The following CTNND2 variants were observed in gnomAD, a reference collection of about 807,000 sequenced individuals.
CTNND2 encodes catenin delta 2.
Under a neutral mutation model 144.4 loss-of-function variants are expected in CTNND2, and 22 were observed. The ratio of observed to expected loss-of-function variants is 0.15; its 90% CI spans 0.11 to 0.22. The LOEUF is 0.22. Ranked by LOEUF, CTNND2 falls within the 10% of genes least tolerant of loss-of-function variation. The pLI, the probability that CTNND2 is intolerant of heterozygous loss-of-function variation, is 1.00. For synonymous variants in CTNND2, 751 were observed against 695.6 expected, an observed-to-expected ratio of 1.08 and a Z score of -1.25; for missense variants, 1,353 against 1,618.8, an observed-to-expected ratio of 0.84 and a Z score of 2.82.
At position 10,988,385 on chromosome 5, in the gene CTNND2, A is replaced by T; in HGVS notation, c.3212-143T>A. On this transcript the variant is annotated intron_variant, in intron 19 of 21. Transcript: ENST00000304623. The surrounding 1 kb of genome is among the most constrained non-coding windows in gnomAD (Gnocchi z 5.9). ...CTGATGGGTTTTCTTTTTAATTTTT[A>T]TTTTTTGGCAGTTTTGGCTCTTGTC... 1 of 1,043,372 alleles carries T rather than the reference A, an allele frequency of 9.6e-7. No individual in the cohort carries two copies. The highest frequency in any genetic ancestry group is 1.4e-6 in the Non-Finnish European group (1 of 738,640). The allele number at this position is 1,043,372 out of a possible 1,614,324, so 64.6% of individuals were successfully genotyped here.
rs555388304 is a variant in CTNND2, at chr5:11,404,602, CTTTTTTTTTTTTT to C, written c.439+6921_439+6933del. Reference sequence around the variant, plus strand: ...ATCAGTATCTGTCAGTATCTGTATTCTTTTTTTTTTTTTTTTTTTTTTTTTTTTTTTTTTAGAC... The same window carrying C: ...ATCAGTATCTGTCAGTATCTGTATTCTTTTTTTTTTTTTTTTTTTTTAGAC... On this transcript the variant is annotated intron_variant, in intron 5 of 21. Coordinates refer to ENST00000304623, the MANE Select transcript of CTNND2 (RefSeq NM_001332.4). Among the ~76,000 whole-genome samples the C allele has an allele frequency of 9.7e-3, 557 of 57,394 alleles. 3 individuals carry two copies. Among genetic ancestry groups the C allele is most frequent in the Non-Finnish European group, 0.018 (452 of 25,186 alleles). The allele number at this position is 57,394 out of a possible 152,430, so 37.7% of individuals were successfully genotyped here.
chr5:11,343,247 G>C (rs1754444203), intron 9 of CTNND2, among the ~76,000 whole-genome samples: 1 of 152,148 alleles, frequency 6.6e-6, no homozygotes, highest in Admixed American at 6.5e-5. Context: ...CTGGTTTCAA[G>C]TCTAATGATG....
intron 5 of CTNND2, among the ~76,000 whole-genome samples, chr5:11,402,380 G>C (rs765539863): frequency 2.0e-5 from 3 of 152,142 alleles, no homozygotes; most frequent in Non-Finnish European, 2.9e-5. Flanking sequence ...AAATCAATGA[G>C]AAAAATTGTT....
At chr5:11,498,414 T>A (rs1770199692) in intron 3 of CTNND2, among the ~76,000 whole-genome samples, 1 of 152,280 alleles carries the variant, frequency 6.6e-6, no homozygotes, top group South Asian at 2.1e-4. Flanking sequence ...TGTTAGGCCA[T>A]GACCTTTTAA....
intron 12 of CTNND2, among the ~76,000 whole-genome samples, chr5:11,150,933 C>T (rs988260086): frequency 6.6e-6 from 1 of 152,038 alleles, no homozygotes; most frequent in African/African-American, 2.4e-5. Context: ...GCCTGAACTG[C>T]TGCCTTCTGA....
intron 1 of CTNND2, among the ~76,000 whole-genome samples, chr5:11,734,294 T>C (rs1018155096): frequency 5.3e-5 from 8 of 152,164 alleles, no homozygotes; most frequent in Non-Finnish European, 1.2e-4. Flanking sequence ...CAAGGTGATA[T>C]GGTTTGACTA....
intron 1 of CTNND2, among the ~76,000 whole-genome samples, chr5:11,870,578 G>T (rs1735020174): frequency 6.6e-6 from 1 of 152,184 alleles, no homozygotes; most frequent in South Asian, 2.1e-4. Flanking sequence ...CCCTATAAAA[G>T]GAAGTGAAAA....
intron 3 of CTNND2, among the ~76,000 whole-genome samples, chr5:11,435,974 A>T (rs1763735707): frequency 1.3e-5 from 2 of 152,184 alleles, no homozygotes; most frequent in South Asian, 4.1e-4. Flanking sequence ...ATAAAATAAC[A>T]GTTGTGAATA....
At chr5:11,859,928 G>C (rs1418449233) in intron 1 of CTNND2, among the ~76,000 whole-genome samples, 2 of 152,138 alleles carry the variant, frequency 1.3e-5, no homozygotes, top group Non-Finnish European at 2.9e-5. Context: ...ACCAGATATA[G>C]ACTGAAAGAT....
intron 15 of CTNND2, among the ~76,000 whole-genome samples, chr5:11,090,709 G>A (rs1389783310): frequency 1.3e-5 from 2 of 152,260 alleles, no homozygotes; most frequent in Non-Finnish European, 2.9e-5. Flanking sequence ...CAAAAATGTT[G>A]GGGACCACTG....
chr5:11,348,057 G>A (rs1209920796), intron 8 of CTNND2, among the ~76,000 whole-genome samples: 1 of 152,074 alleles, frequency 6.6e-6, no homozygotes, highest in Non-Finnish European at 1.5e-5. Context: ...TGACAAAAAT[G>A]ACAAAAATAT....
chr5:11,602,208 T>A (rs1468934274), intron 2 of CTNND2, among the ~76,000 whole-genome samples: 1 of 152,128 alleles, frequency 6.6e-6, no homozygotes, highest in Non-Finnish European at 1.5e-5. Context: ...AAGTGGCTCA[T>A]AACAATGCAG....
chr5:11,542,278 T>C (rs745886399), intron 3 of CTNND2, among the ~76,000 whole-genome samples: 8 of 152,086 alleles, frequency 5.3e-5, no homozygotes, highest in Non-Finnish European at 7.4e-5. Context: ...GAATAGAAAA[T>C]TATAAAATAA....
At chr5:11,618,802 T>C (rs143720642) in intron 2 of CTNND2, among the ~76,000 whole-genome samples, 143 of 152,320 alleles carry the variant, frequency 9.4e-4, no homozygotes, top group African/African-American at 2.8e-3. Context: ...ATTTTACATA[T>C]ATTGAGTATC....
At chr5:11,727,293 C>G (rs1310407383) in intron 2 of CTNND2, among the ~76,000 whole-genome samples, 3 of 152,192 alleles carry the variant, frequency 2.0e-5, no homozygotes, top group South Asian at 4.2e-4. Context: ...CTCTAAACAC[C>G]CCATCTGGTC....
intron 9 of CTNND2, among the ~76,000 whole-genome samples, chr5:11,325,336 G>T (rs576277715): frequency 6.6e-6 from 1 of 151,788 alleles, no homozygotes; most frequent in Non-Finnish European, 1.5e-5. Flanking sequence ...CCATAAAGCT[G>T]TAACTGTTAA....
At chr5:11,165,654 C>T (rs16901333) in intron 11 of CTNND2, among the ~76,000 whole-genome samples, 9,799 of 151,964 alleles carry the variant, frequency 0.064, 592 homozygotes, top group East Asian at 0.33. Context: ...AGTTTAATTG[C>T]GAAGACATTT....
intron 9 of CTNND2, among the ~76,000 whole-genome samples, chr5:11,284,696 C>T (rs1415742575): frequency 6.6e-6 from 1 of 152,164 alleles, no homozygotes; most frequent in African/African-American, 2.4e-5. Flanking sequence ...CATGTCTTTG[C>T]TACTGTGAAT....
At chr5:11,481,616 G>GGAGT (rs1206746448) in intron 3 of CTNND2, among the ~76,000 whole-genome samples, 1 of 151,582 alleles carries the variant, frequency 6.6e-6, no homozygotes, top group Admixed American at 6.6e-5. Context: ...GGAGAGGGAG[G>GGAGT]GAGAGACGGA....
Sources: gnomAD v4.1 joint callset for allele counts (sites outside exome capture counted in the v4.1 genomes callset) on GRCh38, gnomAD v4.1.1 for gene constraint, Gnocchi (gnomAD v3.1) non-coding constraint, MANE v1.5 for transcripts, NCBI Gene and HGNC (gene_info 2026-07-23, HGNC 2026-07-21) for gene names.